The following XRCC3 variants were observed in gnomAD, a reference collection of about 807,000 sequenced individuals.
The protein encoded by XRCC3 is DNA repair protein XRCC3.
A neutral mutation model predicts 29.2 loss-of-function variants in XRCC3; 34 were observed. That is an observed-to-expected ratio of 1.16 (90% CI 0.88 to 1.55). XRCC3 has a LOEUF of 1.55. Among genes scored for constraint, XRCC3 ranks in the 40% most tolerant of loss-of-function variants. The pLI, the probability that XRCC3 is intolerant of heterozygous loss-of-function variation, is 0.00. For missense variants in XRCC3, 463 were observed against 467.6 expected, an observed-to-expected ratio of 0.99 and a Z score of 0.09; for synonymous variants, 223 against 211.3, an observed-to-expected ratio of 1.06 and a Z score of -0.48.
intron 7 of XRCC3, chr14:103,701,800 G>A (rs2083210425): frequency 6.6e-6 from 1 of 152,046 alleles, no homozygotes; most frequent in South Asian, 2.1e-4. Flanking sequence ...CGTGAACCCG[G>A]GAGGTGGAGC....
chr14:103,707,528 A>G, intron 5 of XRCC3: 1 of 474,868 alleles, frequency 2.1e-6, no homozygotes, highest in East Asian at 4.0e-5. Flanking sequence ...GGCGCTCCCT[A>G]ACAGCCTCCA....
At chr14:103,703,488 C>G in intron 6 of XRCC3, 161 bp from the exon 7 acceptor site, 1 of 861,638 alleles carries the variant, frequency 1.2e-6, no homozygotes, top group Non-Finnish European at 1.8e-6. Flanking sequence ...TTTTTCTCAC[C>G]CTCCCACTGG....
At chr14:103,706,894 G>T in intron 6 of XRCC3, 109 bp downstream of exon 6, 1 of 1,230,910 alleles carries the variant, frequency 8.1e-7, no homozygotes, top group Non-Finnish European at 1.1e-6. Flanking sequence ...AGACGCAATG[G>T]TAGGAACAGC....
chr14:103,703,556 C>T, intron 6 of XRCC3: 1 of 571,900 alleles, frequency 1.7e-6, no homozygotes, highest in Admixed American at 2.8e-5. Context: ...GTCTCCACTT[C>T]TGACACCCAG....
chr14:103,714,530 G>A (rs1419375386), intron 1 of XRCC3, among the ~76,000 whole-genome samples: 1 of 151,410 alleles, frequency 6.6e-6, no homozygotes, highest in Non-Finnish European at 1.5e-5. Flanking sequence ...CCAGCTACTT[G>A]AGAGCCTGGG....
In XRCC3 at chr14:103,699,480, G is replaced by T; in HGVS notation, c.658C>A (p.Arg220Ser). 1.2e-6 allele frequency: 2 copies of T among 1,612,748 alleles called. No homozygotes were observed. Among genetic ancestry groups the T allele is most frequent in the Non-Finnish European group, 1.7e-6 (2 of 1,179,930 alleles). The change falls in exon 8 of 10, where the codon CGC (arginine) becomes AGC (serine). Residue 220 changes from arginine to serine, a missense_variant. Coordinates refer to ENST00000555055, the MANE Select transcript of XRCC3 (RefSeq NM_005432.4). ...GAGGCCTGGCTGTCAAATTCACAGC[G>T]GAATGGGGCTGCCACCGAGTCGATG... Reference protein sequence around the residue: ...VVIDSVAAPFRCEFDSQASAP... With the variant: ...VVIDSVAAPFSCEFDSQASAP...
intron 8 of XRCC3, 41 bp from the exon 9 acceptor site, chr14:103,699,220 T>C: frequency 6.5e-7 from 1 of 1,545,248 alleles, no homozygotes; most frequent in Non-Finnish European, 8.7e-7. Context: ...CGGCTGAGGG[T>C]CTTCTCGATG....
chr14:103,707,297 G>T, intron 5 of XRCC3, 82 bp from the exon 6 acceptor site: 3 of 1,499,902 alleles, frequency 2.0e-6, no homozygotes, highest in Non-Finnish European at 2.7e-6. Context: ...TGGTCAGCCT[G>T]CCTGTGCCAG....
intron 1 of XRCC3, among the ~76,000 whole-genome samples, chr14:103,714,466 GAA>G (rs551539800): frequency 1.1e-4 from 11 of 97,854 alleles, no homozygotes; most frequent in Admixed American, 5.7e-4. Flanking sequence ...ACTCTCTACC[GAA>G]AAAAAAAAAA....
intron 4 of XRCC3, 29 bp downstream of exon 4, chr14:103,711,004 A>G: frequency 1.2e-6 from 2 of 1,612,742 alleles, no homozygotes; most frequent in Non-Finnish European, 1.7e-6. Flanking sequence ...ACCCACCCAC[A>G]CCCTTTATGT....
In XRCC3 at chr14:103,711,084, C is replaced by A; in HGVS notation, c.4G>T (p.Asp2Tyr). 14 of 1,614,156 alleles carry A rather than the reference C, an allele frequency of 8.7e-6. No homozygotes were observed. Among genetic ancestry groups the A allele is most frequent in the Non-Finnish European group, 1.2e-5 (14 of 1,180,016 alleles). Residue 2 changes from aspartate (D) to tyrosine (Y), a missense_variant, in exon 4 of 10, where the codon GAT becomes TAT. Transcript: ENST00000555055. ...GGATTCAGGTCCAGTAGATCCAAAT[C>A]CATTTTGTCGGTGGGCTGGCCACCA... is the stretch of plus-strand genomic sequence containing the variant. M[D>Y]LDLLDLNPRI...
Position 103,706,930 on chromosome 14 carries a change from C to A in XRCC3, c.406+73G>T, listed in dbSNP as rs898839761. On this transcript the variant is annotated intron_variant, in intron 6 of 9. Coordinates refer to ENST00000555055, the MANE Select transcript of XRCC3 (RefSeq NM_005432.4). ...GCAAGAGGCGGCCACTGCCCCACCT[C>A]AACGGAAAGCTGTCCCACACAAAGC... is the stretch of plus-strand genomic sequence containing the variant. The A allele has an allele frequency of 2.0e-6, 3 of 1,497,954 alleles. No individual in the cohort carries two copies. In the African/African-American group the frequency reaches 4.2e-5, roughly 21 times the overall value. The allele number at this position is 1,497,954 out of a possible 1,614,324, so 92.8% of individuals were successfully genotyped here.
Position 103,698,580 on chromosome 14 carries a change from G to T in XRCC3, c.*218C>A. 1 of 596,230 alleles carries T rather than the reference G, an allele frequency of 1.7e-6. No individual in the cohort carries two copies. The highest frequency in any genetic ancestry group is 3.0e-6 in the Non-Finnish European group (1 of 334,560). 36.9% of individuals were successfully genotyped at this position (596,230 alleles called of 1,614,324 possible). ...GACCAGGTACCCAGCAAGCGGGCCT[G>T]TCCCCAGACCCAGGGAGAGGCAGAA... On this transcript the variant is annotated 3_prime_UTR_variant, in exon 10 of 10. Transcript: ENST00000555055.
chr14:103,710,030 G>A (rs1488590987), intron 4 of XRCC3: 3 of 152,406 alleles, frequency 2.0e-5, no homozygotes, highest in Non-Finnish European at 4.4e-5. Flanking sequence ...TCACGTAGCT[G>A]AGGCCCGGGG....
chr14:103,700,432 G>C (rs568421373), intron 7 of XRCC3: 2 of 474,418 alleles, frequency 4.2e-6, no homozygotes, highest in East Asian at 7.2e-5. Context: ...GAGCCATGGT[G>C]ATGGGGGAGG....
chr14:103,706,608 G>A (rs917885478), intron 6 of XRCC3: 8 of 377,686 alleles, frequency 2.1e-5, no homozygotes, highest in African/African-American at 4.2e-5. Flanking sequence ...GCCGCGCCAG[G>A]AGCATACCTG....
intron 7 of XRCC3, chr14:103,701,763 A>T (rs1452095289): frequency 6.6e-6 from 1 of 151,572 alleles, no homozygotes; most frequent in Non-Finnish European, 1.5e-5. Context: ...AGTCCCACCT[A>T]CTCTGGAGGC....
In XRCC3 at chr14:103,711,023, A is replaced by G; in HGVS notation, c.55+10T>C. The G allele has an allele frequency of 1.2e-6, 2 of 1,614,092 alleles. No homozygotes were observed. Among genetic ancestry groups the G allele is most frequent in the Non-Finnish European group, 1.7e-6 (2 of 1,179,944 alleles). ...ACCCACACCCTTTATGTAAATAGAA[A>G]TAAATGTACCTTTCTTAATTGCAGC... On this transcript the variant is annotated intron_variant, in intron 4 of 9. Coordinates refer to ENST00000555055, the MANE Select transcript of XRCC3 (RefSeq NM_005432.4).
At position 103,697,680 on chromosome 14, in the gene XRCC3, G is replaced by A. The variant is rs1469198713; in HGVS notation, c.*1118C>T. ...GTGCCAGGCAGCATGTGGAGGCACT[G>A]AGTGGGGGGTGGAGGGGGTTGTACG... On this transcript the variant is annotated 3_prime_UTR_variant, in exon 10 of 10. Transcript: ENST00000555055. The A allele has an allele frequency of 6.6e-6, 1 of 152,234 alleles. No homozygotes were observed. The allele number at this position is 152,234 out of a possible 1,614,324, so 9.4% of individuals were successfully genotyped here. A position where few individuals can be genotyped will look rare whatever the true frequency, so the allele number is the denominator to read the frequency against.
Sources: allele counts gnomAD v4.1 joint callset (sites outside exome capture counted in the v4.1 genomes callset), GRCh38; gene constraint gnomAD v4.1.1; transcripts MANE v1.5; gene names NCBI Gene and HGNC (gene_info 2026-07-23, HGNC 2026-07-21).